The following TENM4 variants were observed in gnomAD, a reference collection of about 807,000 sequenced individuals.
The protein encoded by TENM4 is teneurin transmembrane protein 4.
Under a neutral mutation model 243.3 loss-of-function variants are expected in TENM4, and 82 were observed. The ratio of observed to expected loss-of-function variants is 0.34; its 90% confidence interval spans 0.28 to 0.40. TENM4 has a LOEUF of 0.40. Among genes scored for constraint, TENM4 ranks in the 10% least tolerant of loss-of-function variants. The pLI is 1.00. For missense variants in TENM4, 3,138 were observed against 3,673.3 expected, an observed-to-expected ratio of 0.85 and a Z score of 3.77; for synonymous variants, 1,412 against 1,456.3, an observed-to-expected ratio of 0.97 and a Z score of 0.69.
intron 6 of TENM4, among the ~76,000 whole-genome samples, chr11:78,968,933 A>G (rs1316338020): frequency 6.6e-6 from 1 of 152,252 alleles, no homozygotes; most frequent in Non-Finnish European, 1.5e-5. Context: ...CTATTGGGCA[A>G]ACCAAGGATC....
At chr11:78,853,405 G>A (rs760378206) in intron 12 of TENM4, among the ~76,000 whole-genome samples, 1 of 152,144 alleles carries the variant, frequency 6.6e-6, no homozygotes, top group Non-Finnish European at 1.5e-5. Flanking sequence ...CTTTAAATAG[G>A]GTGCCAGGCT....
At chr11:79,228,096 T>TATC in intron 2 of TENM4, among the ~76,000 whole-genome samples, 1 of 152,144 alleles carries the variant, frequency 6.6e-6, no homozygotes, top group East Asian at 1.9e-4. Flanking sequence ...TGAAAAAAAG[T>TATC]ATCTATAAAC....
At chr11:79,151,267 C>T (rs935229072) in intron 3 of TENM4, among the ~76,000 whole-genome samples, 16 of 152,206 alleles carry the variant, frequency 1.1e-4, no homozygotes, top group Non-Finnish European at 2.1e-4. Flanking sequence ...AGTTTCACTG[C>T]TTCCATCTCT....
intron 2 of TENM4, among the ~76,000 whole-genome samples, chr11:79,273,053 G>C (rs990820945): frequency 1.3e-5 from 2 of 152,146 alleles, no homozygotes; most frequent in African/African-American, 4.8e-5. Context: ...AAGAGCACAG[G>C]CTTTGGAGTC....
At chr11:79,276,815 C>A (rs1236476480) in intron 2 of TENM4, among the ~76,000 whole-genome samples, 1 of 152,110 alleles carries the variant, frequency 6.6e-6, no homozygotes, top group Admixed American at 6.5e-5. Flanking sequence ...CCTCTGCCAC[C>A]CACATCCTGG....
rs1478843311 is a variant in TENM4 at position 79,139,712 on chromosome 11, AGT to A, written c.-66+8996_-66+8997del. The stretch of plus-strand genomic sequence containing the variant: ...ATAAAATATATATAATATTTATATA[AGT>A]ATATAAAATATATATTATATTTATA... On this transcript the variant is annotated intron_variant, in intron 4 of 33. Coordinates refer to ENST00000278550, the MANE Select transcript of TENM4 (RefSeq NM_001098816.3). Among the ~76,000 whole-genome samples the A allele has an allele frequency of 5.5e-4, 49 of 89,028 alleles. 6 individuals are homozygous for A. Among genetic ancestry groups the A allele is most frequent in the African/African-American group, 1.1e-3 (19 of 17,110 alleles). The allele number at this position is 89,028 out of a possible 152,430, so 58.4% of individuals were successfully genotyped here.
At chr11:78,780,280 A>G (rs1856815689) in intron 16 of TENM4, among the ~76,000 whole-genome samples, 1 of 152,250 alleles carries the variant, frequency 6.6e-6, no homozygotes, top group Non-Finnish European at 1.5e-5. Flanking sequence ...CTTTAGTCTT[A>G]GTCAAGCTAA....
rs551062874 is a variant in TENM4, at chr11:79,386,786, T to A, written c.-321+53723A>T. Among the ~76,000 whole-genome samples the A allele has an allele frequency of 5.3e-5, 8 of 152,228 alleles. No homozygotes were observed. In the South Asian group the frequency reaches 6.2e-4, roughly 12 times the overall value. Reference sequence around the variant, plus strand: ...TTAAGTGAGCAAAAAAATTTTTTTTTATTTTTTTAGTGAGCAAAAATATCA... The same window carrying A: ...TTAAGTGAGCAAAAAAATTTTTTTTAATTTTTTTAGTGAGCAAAAATATCA... On this transcript the variant is annotated intron_variant, in intron 1 of 33. Transcript: ENST00000278550.
intron 2 of TENM4, among the ~76,000 whole-genome samples, chr11:79,244,441 G>A (rs941867886): frequency 3.3e-5 from 3 of 90,338 alleles, no homozygotes; most frequent in African/African-American, 1.4e-4. Flanking sequence ...ATGTGTCTAT[G>A]TGTGTGTGTG....
intron 1 of TENM4, among the ~76,000 whole-genome samples, chr11:79,424,375 G>C (rs1344234348): frequency 6.6e-6 from 1 of 152,192 alleles, no homozygotes; most frequent in Non-Finnish European, 1.5e-5. Context: ...GCTGAGATAG[G>C]AGGATCACTT....
At chr11:79,292,361 C>T (rs1024064669) in intron 2 of TENM4, among the ~76,000 whole-genome samples, 1 of 152,078 alleles carries the variant, frequency 6.6e-6, no homozygotes, top group Non-Finnish European at 1.5e-5. Flanking sequence ...CACTGTTTTC[C>T]ATGGAGCTCA....
intron 6 of TENM4, among the ~76,000 whole-genome samples, chr11:78,986,477 T>TC (rs1302970783): frequency 6.6e-6 from 1 of 152,214 alleles, no homozygotes; most frequent in African/African-American, 2.4e-5. Flanking sequence ...GCCCAGGTTC[T>TC]CTGACCCCTG....
intron 3 of TENM4, among the ~76,000 whole-genome samples, chr11:79,163,990 T>C (rs568050114): frequency 1.2e-3 from 140 of 113,750 alleles, no homozygotes; most frequent in African/African-American, 4.1e-3. Context: ...ATATATAGTG[T>C]ATATATAGTA....
intron 25 of TENM4, 99 bp from the exon 26 acceptor site, chr11:78,712,813 A>C: frequency 1.8e-6 from 2 of 1,126,866 alleles, no homozygotes. Flanking sequence ...AATCCAAGCA[A>C]AAATATCTTA....
Position 78,670,310 on chromosome 11 carries a change from T to C in TENM4, c.6035A>G (p.Tyr2012Cys), listed in dbSNP as rs748812112. The C allele has an allele frequency of 6.2e-7, 1 of 1,613,908 alleles. No individual in the cohort carries two copies. The highest frequency in any genetic ancestry group is 8.5e-7 in the Non-Finnish European group (1 of 1,179,858). The change falls in exon 32 of 34, where the codon TAC becomes TGC. Residue 2012 changes from tyrosine to cysteine, a missense_variant. By Grantham distance (194) the Tyr-to-Cys change is radical (BLOSUM62 -2). This residue lies in a region of TENM4 where 2,467 missense variants were observed against 3,059.1 expected (regional missense o/e 0.81). Coordinates refer to ENST00000278550, the MANE Select transcript of TENM4 (RefSeq NM_001098816.3). ...CAGCTTTGACAGTTTGCCATACTTG[T>C]ATATCACCCTGCGGCCAGTGCCCAG... ...FYLGTGRRVI[Y>C]KYGKLSKLAE...
intron 1 of TENM4, among the ~76,000 whole-genome samples, chr11:79,358,216 C>T (rs905316525): frequency 1.6e-4 from 24 of 152,172 alleles, no homozygotes; most frequent in African/African-American, 5.6e-4. Context: ...TAGTAAGCTG[C>T]CCCCTTCCCC....
At chr11:79,327,230 T>G (rs983216878) in intron 1 of TENM4, among the ~76,000 whole-genome samples, 1 of 152,242 alleles carries the variant, frequency 6.6e-6, no homozygotes, top group Non-Finnish European at 1.5e-5. Flanking sequence ...ATGGATACAG[T>G]ATTTCTACAA....
At chr11:79,147,167 G>A (rs1181548706) in intron 4 of TENM4, among the ~76,000 whole-genome samples, 1 of 152,062 alleles carries the variant, frequency 6.6e-6, no homozygotes, top group African/African-American at 2.4e-5. Context: ...CATAATACAT[G>A]AATCACACAA....
In TENM4 at chr11:78,657,934, A is replaced by G. The variant is rs763615514; in HGVS notation, c.*124T>C. 141 of 1,449,520 alleles carry G rather than the reference A, an allele frequency of 9.7e-5. 1 individual carries two copies. Among genetic ancestry groups the G allele is most frequent in the Non-Finnish European group, 1.1e-4 (119 of 1,037,408 alleles). 89.8% of individuals were successfully genotyped at this position (1,449,520 alleles called of 1,614,324 possible). On this transcript the variant is annotated 3_prime_UTR_variant, in exon 34 of 34. Transcript: ENST00000278550. ...AAAAAAGGATGTTGCATGAGTTACA[A>G]TGCAACCAGTATCTTTTTGTTTCTG... is the stretch of plus-strand genomic sequence containing the variant.
Sources: gnomAD v4.1 joint callset for allele counts (sites outside exome capture counted in the v4.1 genomes callset) on GRCh38, gnomAD v4.1.1 for gene constraint, gnomAD v4.1.1 regional missense constraint, MANE v1.5 for transcripts, NCBI Gene and HGNC (gene_info 2026-07-23, HGNC 2026-07-21) for gene names.